Variants in CLIP1 observed in about 807,000 individuals in gnomAD.
The protein encoded by CLIP1 is CAP-Gly domain-containing linker protein 1.
In CLIP1, 66 loss-of-function variants were observed where a neutral mutation model predicts 161.6. That is an observed-to-expected ratio of 0.41 (90% CI 0.33 to 0.50). CLIP1 has a LOEUF of 0.50. Ranked by LOEUF, CLIP1 falls within the 20% of genes least tolerant of loss-of-function variation. The pLI, the probability that CLIP1 is intolerant of heterozygous loss-of-function variation, is 0.27. For missense variants in CLIP1, 1,376 were observed against 1,702.0 expected, an observed-to-expected ratio of 0.81 and a Z score of 3.37; for synonymous variants, 598 against 626.2, an observed-to-expected ratio of 0.96 and a Z score of 0.67.
Position 122,340,903 on chromosome 12 carries a change from C to A in CLIP1, c.2301G>T (p.Lys767Asn). 2 of 1,614,168 alleles carry A rather than the reference C, an allele frequency of 1.2e-6. No individual in the cohort carries two copies. Among genetic ancestry groups the A allele is most frequent in the Non-Finnish European group, 1.7e-6 (2 of 1,180,028 alleles). ...GATCCAAGAGCTTTTCTTCAGTAGCCTTGAGCTGTGATGTAAAATTATCAA... is the reference window on the plus strand; with the variant it reads ...GATCCAAGAGCTTTTCTTCAGTAGCATTGAGCTGTGATGTAAAATTATCAA... ...KVIDNFTSQL[K>N]ATEEKLLDLD... The change falls in exon 11 of 26, where the codon AAG (lysine) becomes AAT (asparagine). Residue 767 changes from lysine to asparagine, a missense_variant. Coordinates refer to ENST00000620786, the MANE Select transcript of CLIP1 (RefSeq NM_001247997.2).
intron 21 of CLIP1, among the ~76,000 whole-genome samples, chr12:122,283,958 T>C (rs1955746881): frequency 6.6e-6 from 1 of 152,220 alleles, no homozygotes; most frequent in Non-Finnish European, 1.5e-5. Context: ...TTTGCAAGGC[T>C]TTTTAAATTA....
chr12:122,320,000 C>G (rs188957146), intron 17 of CLIP1, among the ~76,000 whole-genome samples: 1 of 152,124 alleles, frequency 6.6e-6, no homozygotes, highest in Non-Finnish European at 1.5e-5. Flanking sequence ...ATAGGCCGGG[C>G]GCAGTGGCTC....
At chr12:122,338,131 A>G (rs1332905943) in intron 11 of CLIP1, among the ~76,000 whole-genome samples, 2 of 150,374 alleles carry the variant, frequency 1.3e-5, no homozygotes, top group African/African-American at 4.9e-5. Context: ...TGAGGTCAGG[A>G]GTTCAAGACC....
chr12:122,341,813 C>T (rs1309666172), intron 10 of CLIP1, 116 bp from the exon 11 acceptor site: 9 of 571,490 alleles, frequency 1.6e-5, no homozygotes, highest in Admixed American at 1.4e-4. Flanking sequence ...GATGGAGTTT[C>T]GCTCTTCTTA....
intron 1 of CLIP1, among the ~76,000 whole-genome samples, chr12:122,417,483 T>G (rs550367298): frequency 6.6e-6 from 1 of 151,020 alleles, no homozygotes; most frequent in East Asian, 2.0e-4. Context: ...AAAAGCAATT[T>G]TTTAAAAAGG....
chr12:122,295,146 C>A (rs73404020), intron 20 of CLIP1, among the ~76,000 whole-genome samples: 3,746 of 151,592 alleles, frequency 0.025, 108 homozygotes, highest in South Asian at 0.065. Flanking sequence ...AGATGGGCGG[C>A]AAATCATTTG....
At chr12:122,361,324 T>C in intron 4 of CLIP1, 143 bp from the exon 5 acceptor site, 1 of 663,170 alleles carries the variant, frequency 1.5e-6, no homozygotes, top group Non-Finnish European at 2.6e-6. Flanking sequence ...CACCAGCACG[T>C]AGCAGTCACA....
chr12:122,273,156 A>G (rs1955242341), intron 25 of CLIP1, 56 bp from the exon 26 acceptor site: 1 of 1,474,874 alleles, frequency 6.8e-7, no homozygotes, highest in Non-Finnish European at 9.3e-7. Flanking sequence ...TGAAGAGACA[A>G]GAACACTTGC....
At position 122,272,737 on chromosome 12, in the gene CLIP1, T is replaced by G; in HGVS notation, c.*138A>C. 1 of 718,990 alleles carries G rather than the reference T, an allele frequency of 1.4e-6. No homozygotes were observed. The highest frequency in any genetic ancestry group is 2.4e-6 in the Non-Finnish European group (1 of 420,342). The allele number at this position is 718,990 out of a possible 1,614,324, so 44.5% of individuals were successfully genotyped here. A position where few individuals can be genotyped will look rare whatever the true frequency, so the allele number is the denominator to read the frequency against. On this transcript the variant is annotated 3_prime_UTR_variant, in exon 26 of 26. Transcript: ENST00000620786. Reference sequence around the variant, plus strand: ...AGACTAAAGGGCAATTTGTTGAAGATCAAAATATTTTCCTAGATTTGTTGA... The same window carrying G: ...AGACTAAAGGGCAATTTGTTGAAGAGCAAAATATTTTCCTAGATTTGTTGA...
At chr12:122,305,509 T>A (rs911379619) in intron 20 of CLIP1, among the ~76,000 whole-genome samples, 1 of 152,238 alleles carries the variant, frequency 6.6e-6, no homozygotes, top group Non-Finnish European at 1.5e-5. Flanking sequence ...CACTGTATGC[T>A]TCTACCAGCC....
chr12:122,307,157 C>T (rs1950908506), intron 20 of CLIP1, among the ~76,000 whole-genome samples: 1 of 151,732 alleles, frequency 6.6e-6, no homozygotes, highest in Non-Finnish European at 1.5e-5. Context: ...TACAGGCGCC[C>T]GCCACCATGC....
At chr12:122,290,300 T>C (rs1956047529) in intron 20 of CLIP1, among the ~76,000 whole-genome samples, 1 of 152,180 alleles carries the variant, frequency 6.6e-6, no homozygotes. Context: ...TTTGATGTCC[T>C]AGCCCATTAA....
At chr12:122,365,528 C>G in intron 3 of CLIP1, 1 of 920,960 alleles carries the variant, frequency 1.1e-6, no homozygotes, top group Non-Finnish European at 1.8e-6. Context: ...GACCTGGGTT[C>G]AACTCAAGCG....
At chr12:122,390,205 T>G (rs1955555246) in intron 1 of CLIP1, among the ~76,000 whole-genome samples, 4 of 136,110 alleles carry the variant, frequency 2.9e-5, no homozygotes, top group Admixed American at 1.5e-4. Context: ...ATAATATATA[T>G]ATACACACAT....
intron 1 of CLIP1, among the ~76,000 whole-genome samples, chr12:122,381,645 T>C (rs995346014): frequency 3.9e-5 from 6 of 152,236 alleles, no homozygotes; most frequent in African/African-American, 1.4e-4. Context: ...TCTGCATTTT[T>C]CTCTGCGAGC....
At chr12:122,328,645 C>T (rs1213282193) in intron 15 of CLIP1, among the ~76,000 whole-genome samples, 1 of 152,144 alleles carries the variant, frequency 6.6e-6, no homozygotes, top group Non-Finnish European at 1.5e-5. Flanking sequence ...AGTGCAGTGG[C>T]ATGATCTCCG....
rs1952061527 is a variant in CLIP1, at chr12:122,333,117, C to T, written c.2737G>A (p.Asp913Asn). The T allele has an allele frequency of 6.2e-7, 1 of 1,613,052 alleles. No individual in the cohort carries two copies. Among genetic ancestry groups the T allele is most frequent in the Admixed American group, 1.7e-5 (1 of 59,932 alleles). ...ADMEAKFREKDEREEQLIKAK... is the reference protein window; with the variant it reads ...ADMEAKFREKNEREEQLIKAK... ...TTTATCAGCTGCTCTTCTCTCTCAT[C>T]TTTCTCTCTAAATTTTGCCTCCATA... Residue 913 changes from aspartate to asparagine, a missense_variant, in exon 15 of 26, where the codon GAT becomes AAT. Transcript: ENST00000620786.
intron 18 of CLIP1, among the ~76,000 whole-genome samples, chr12:122,318,234 T>C (rs1303666645): frequency 2.0e-5 from 3 of 152,172 alleles, no homozygotes; most frequent in African/African-American, 4.8e-5. Flanking sequence ...TACCTGCCTA[T>C]TACTTTTAAA....
At chr12:122,406,360 AAAAT>A (rs1216189644) in intron 1 of CLIP1, among the ~76,000 whole-genome samples, 1 of 152,194 alleles carries the variant, frequency 6.6e-6, no homozygotes, top group Non-Finnish European at 1.5e-5. Flanking sequence ...CAAACAAGTA[AAAAT>A]AAATGGATCA....
Sources: gnomAD v4.1 joint callset for allele counts (sites outside exome capture counted in the v4.1 genomes callset) on GRCh38, gnomAD v4.1.1 for gene constraint, MANE v1.5 for transcripts, NCBI Gene and HGNC (gene_info 2026-07-23, HGNC 2026-07-21) for gene names.